RTCA: variants seen among roughly 807,000 people sequenced by gnomAD.
The protein encoded by RTCA is RNA terminal phosphate cyclase domain 1.
RTCA carries 37 observed loss-of-function variants against 46.1 expected under a neutral mutation model. The ratio of observed to expected loss-of-function variants is 0.80; its 90% CI spans 0.62 to 1.06. RTCA has a LOEUF of 1.06. Ranked by LOEUF, RTCA falls within the 50% of genes least tolerant of loss-of-function variation. The pLI is 0.00. For missense variants in RTCA, 435 were observed against 455.5 expected, an observed-to-expected ratio of 0.95 and a Z score of 0.41; for synonymous variants, 164 against 158.3, an observed-to-expected ratio of 1.04 and a Z score of -0.27.
intron 4 of RTCA, among the ~76,000 whole-genome samples, chr1:100,271,245 A>T (rs1570875185): frequency 6.6e-6 from 1 of 151,832 alleles, no homozygotes; most frequent in Non-Finnish European, 1.5e-5. Flanking sequence ...GAAGTTCAAG[A>T]CCAGCCTGGG....
chr1:100,268,473 G>A (rs528582022), intron 3 of RTCA, among the ~76,000 whole-genome samples, 178 bp downstream of exon 3: 1 of 151,652 alleles, frequency 6.6e-6, no homozygotes, highest in Non-Finnish European at 1.5e-5. Flanking sequence ...ACTGCTCACT[G>A]TAAGCTGTAA....
chr1:100,268,614 C>T (rs918135438), intron 3 of RTCA, among the ~76,000 whole-genome samples: 5 of 152,080 alleles, frequency 3.3e-5, no homozygotes, highest in African/African-American at 9.6e-5. Context: ...CAGCTGGTCT[C>T]GAATTCCTAA....
At chr1:100,281,219 A>G (rs371608722) in intron 8 of RTCA, 37 of 532,344 alleles carry the variant, frequency 7.0e-5, no homozygotes, top group Non-Finnish European at 1.2e-4. Context: ...AGAATCTCCA[A>G]AATCCTTCTA....
intron 9 of RTCA, among the ~76,000 whole-genome samples, chr1:100,286,621 C>A (rs752019935): frequency 2.6e-5 from 4 of 151,852 alleles, no homozygotes. Context: ...CAGTAGTGTC[C>A]ACATTTAGAA....
chr1:100,274,679 A>G, intron 5 of RTCA, 145 bp from the exon 6 acceptor site: 1 of 918,946 alleles, frequency 1.1e-6, no homozygotes, highest in Non-Finnish European at 1.5e-6. Flanking sequence ...AATGTATAAA[A>G]TTTTACAAAA....
In RTCA at chr1:100,266,254, A is replaced by T; in HGVS notation, c.-122A>T. 6 of 1,093,894 alleles carry T rather than the reference A, an allele frequency of 5.5e-6. No individual in the cohort carries two copies. The highest frequency in any genetic ancestry group is 6.3e-6 in the Non-Finnish European group (5 of 787,780). The allele number at this position is 1,093,894 out of a possible 1,614,324, so 67.8% of individuals were successfully genotyped here. On this transcript the variant is annotated 5_prime_UTR_variant, in exon 1 of 11. Transcript: ENST00000370128. Reference sequence around the variant, plus strand: ...GCGCCGCTTCTTCCGCTTTCTCGTCAGGCTCCTGCGCCCCAGGCATGAACC... The same window carrying T: ...GCGCCGCTTCTTCCGCTTTCTCGTCTGGCTCCTGCGCCCCAGGCATGAACC...
intron 4 of RTCA, 38 bp downstream of exon 4, chr1:100,270,718 A>G (rs376244228): frequency 1.2e-6 from 2 of 1,604,048 alleles, no homozygotes; most frequent in African/African-American, 1.3e-5. Context: ...AGATGATCTC[A>G]TACATGCTTC....
chr1:100,270,713 A>G (rs1464798997), intron 4 of RTCA, 33 bp downstream of exon 4: 1 of 1,607,976 alleles, frequency 6.2e-7, no homozygotes, highest in Non-Finnish European at 8.5e-7. Context: ...AACTAAGATG[A>G]TCTCATACAT....
chr1:100,270,501 T>C, intron 3 of RTCA, 56 bp from the exon 4 acceptor site: 3 of 1,596,134 alleles, frequency 1.9e-6, no homozygotes, highest in African/African-American at 1.3e-5. Flanking sequence ...TTTAAGAGTT[T>C]GAAAAGAAAA....
chr1:100,286,286 A>G (rs1031805303), intron 9 of RTCA, among the ~76,000 whole-genome samples: 2 of 151,924 alleles, frequency 1.3e-5, no homozygotes, highest in Non-Finnish European at 2.9e-5. Flanking sequence ...CCCCGTCTCT[A>G]CTGAAAAAAT....
intron 8 of RTCA, among the ~76,000 whole-genome samples, chr1:100,283,911 G>A (rs1439281260): frequency 1.9e-5 from 2 of 103,982 alleles, no homozygotes; most frequent in Admixed American, 1.5e-4. Flanking sequence ...AACGTAGTGA[G>A]ACCTAGTCGC....
intron 10 of RTCA, 26 bp from the exon 11 acceptor site, chr1:100,291,377 C>CT: frequency 6.7e-7 from 1 of 1,492,784 alleles, no homozygotes; most frequent in Non-Finnish European, 9.3e-7. Context: ...CTTCGTATTA[C>CT]TTATATACTC....
chr1:100,288,452 C>T (rs1379024315), intron 10 of RTCA, among the ~76,000 whole-genome samples: 1 of 151,974 alleles, frequency 6.6e-6, no homozygotes, highest in African/African-American at 2.4e-5. Context: ...ACACTGTTGC[C>T]CAGGCTGGAT....
intron 10 of RTCA, among the ~76,000 whole-genome samples, chr1:100,289,551 A>G (rs895020883): frequency 6.6e-6 from 1 of 152,214 alleles, no homozygotes; most frequent in Non-Finnish European, 1.5e-5. Context: ...TTTGATGTCA[A>G]GAGTGTTAAC....
At chr1:100,286,553 G>A (rs183360175) in intron 9 of RTCA, among the ~76,000 whole-genome samples, 1 of 150,854 alleles carries the variant, frequency 6.6e-6, no homozygotes, top group South Asian at 2.1e-4. Flanking sequence ...TGTTTTTATG[G>A]TCTGTTATCT....
chr1:100,290,343 T>G (rs1286588491), intron 10 of RTCA, among the ~76,000 whole-genome samples: 1 of 152,194 alleles, frequency 6.6e-6, no homozygotes, highest in Non-Finnish European at 1.5e-5. Context: ...TGAACTGAAC[T>G]CAAATGATCC....
In RTCA at chr1:100,292,412, C is replaced by T. The variant is rs1378255664; in HGVS notation, c.*908C>T. 6.6e-6 allele frequency: 1 copy of T among 152,218 alleles called. No individual in the cohort carries two copies. The highest frequency in any genetic ancestry group is 2.4e-5 in the African/African-American group (1 of 41,414). The allele number at this position is 152,218 out of a possible 1,614,324, so 9.4% of individuals were successfully genotyped here. The stretch of plus-strand genomic sequence containing the variant: ...CCGCCTTCCAGGTTGAAGTGATTCT[C>T]CAGCCTCAGCCTCCCGAGTAGCTGG... On this transcript the variant is annotated 3_prime_UTR_variant, in exon 11 of 11. Coordinates refer to ENST00000370128, the MANE Select transcript of RTCA (RefSeq NM_003729.4).
At chr1:100,276,927 A>G (rs993958566) in intron 7 of RTCA, among the ~76,000 whole-genome samples, 4 of 152,184 alleles carry the variant, frequency 2.6e-5, no homozygotes, top group Non-Finnish European at 4.4e-5. Flanking sequence ...ATTTAAGATA[A>G]TTCTGAAACA....
At chr1:100,277,796 T>G (rs1666476389) in intron 8 of RTCA, among the ~76,000 whole-genome samples, 1 of 150,784 alleles carries the variant, frequency 6.6e-6, no homozygotes, top group South Asian at 2.2e-4. Context: ...GTGGAATTTT[T>G]TTTTTTGGGG....
Sources: gnomAD v4.1 joint callset for allele counts (sites outside exome capture counted in the v4.1 genomes callset) on GRCh38, gnomAD v4.1.1 for gene constraint, MANE v1.5 for transcripts, NCBI Gene and HGNC (gene_info 2026-07-23, HGNC 2026-07-21) for gene names.